SNX29: variants seen among roughly 807,000 people sequenced by gnomAD.
SNX29 encodes sorting nexin 29, also known as sorting nexin-29.
A neutral mutation model predicts 102.1 loss-of-function variants in SNX29; 78 were observed. That is an observed-to-expected ratio of 0.76 (90% confidence interval 0.64 to 0.92). The LOEUF (loss-of-function observed/expected upper bound fraction) is 0.92. Among genes scored for constraint, SNX29 ranks in the 40% least tolerant of loss-of-function variants. The probability of loss-of-function intolerance (pLI) is 0.00; values close to 1 mark genes in which losing one functional copy is unlikely to be tolerated. For missense variants in SNX29, 1,280 were observed against 1,061.7 expected (o/e 1.21, Z -2.86); for synonymous variants, 580 against 414.5 (o/e 1.40, Z -4.85).
chr16:12,555,678 G>A (rs1374375343), intron 20 of SNX29, among the ~76,000 whole-genome samples: 1 of 152,068 alleles, frequency 6.6e-6, no homozygotes, highest in Non-Finnish European at 1.5e-5. Flanking sequence ...CGAAGTCTGA[G>A]AATAAGCCTT....
intron 15 of SNX29, among the ~76,000 whole-genome samples, chr16:12,343,165 G>A (rs1480850470): frequency 2.0e-5 from 3 of 152,194 alleles, no homozygotes; most frequent in Admixed American, 1.3e-4. Context: ...AGCCTCCACT[G>A]ATTTCTCAAG....
intron 8 of SNX29, among the ~76,000 whole-genome samples, chr16:12,058,711 C>T (rs1188292158): frequency 6.7e-6 from 1 of 149,890 alleles, no homozygotes; most frequent in East Asian, 2.0e-4. Context: ...CCAGGCTGGT[C>T]TTGAACTCCT....
At chr16:12,538,776 A>C (rs1482840180) in intron 20 of SNX29, among the ~76,000 whole-genome samples, 1 of 152,192 alleles carries the variant, frequency 6.6e-6, no homozygotes, top group Non-Finnish European at 1.5e-5. Context: ...TGAGCATGTC[A>C]CATCGCCAAG....
chr16:12,537,912 G>C (rs905561330), intron 20 of SNX29, among the ~76,000 whole-genome samples: 4 of 151,560 alleles, frequency 2.6e-5, no homozygotes, highest in African/African-American at 4.9e-5. Context: ...TGGAACCCAG[G>C]AGGCAGAGGT....
At chr16:12,538,789 G>A (rs961763478) in intron 20 of SNX29, among the ~76,000 whole-genome samples, 4 of 152,150 alleles carry the variant, frequency 2.6e-5, no homozygotes, top group African/African-American at 4.8e-5. Flanking sequence ...TCGCCAAGGG[G>A]GATTACAAGG....
At chr16:12,425,378 G>A (rs900833945) in intron 18 of SNX29, among the ~76,000 whole-genome samples, 5 of 151,924 alleles carry the variant, frequency 3.3e-5, no homozygotes, top group African/African-American at 1.2e-4. Flanking sequence ...TGCCCCTGAG[G>A]CCTCTGGTCT....
At chr16:12,279,282 C>T (rs918275821) in intron 15 of SNX29, among the ~76,000 whole-genome samples, 43 of 152,226 alleles carry the variant, frequency 2.8e-4, no homozygotes, top group African/African-American at 1.0e-3. Flanking sequence ...GGGTGTTCCC[C>T]TAAGTTCATT....
At position 12,572,917 on chromosome 16, in the gene SNX29, GGAGT is replaced by G; in HGVS notation, c.*4290_*4293del. 8.1e-6 allele frequency: 8 copies of G among 983,924 alleles called. No homozygotes were observed. The highest frequency in any genetic ancestry group is 9.9e-6 in the Non-Finnish European group (8 of 805,936). 60.9% of individuals were successfully genotyped at this position (983,924 alleles called of 1,614,324 possible). On this transcript the variant is annotated 3_prime_UTR_variant, in exon 21 of 21. Transcript: ENST00000566228. ...TTTCGCTCGGAATCACGGCAGACTT[GGAGT>G]GTTTCTTCAAGGCAGGCATCTGCTT...
chr16:12,535,032 C>G (rs1436149736), intron 20 of SNX29, among the ~76,000 whole-genome samples: 2 of 152,068 alleles, frequency 1.3e-5, no homozygotes, highest in African/African-American at 4.8e-5. Context: ...CTCGTTGGGT[C>G]TTATAAAACC....
chr16:12,237,179 C>T (rs752223443), intron 14 of SNX29, among the ~76,000 whole-genome samples: 2 of 152,066 alleles, frequency 1.3e-5, no homozygotes, highest in South Asian at 2.1e-4. Context: ...CAGGAGGGTG[C>T]GAAGCTCTGT....
At chr16:12,543,966 A>C (rs2077466056) in intron 20 of SNX29, among the ~76,000 whole-genome samples, 1 of 152,108 alleles carries the variant, frequency 6.6e-6, no homozygotes, top group African/African-American at 2.4e-5. Context: ...CTGCTGGGAG[A>C]AATGGTCTCA....
intron 1 of SNX29, among the ~76,000 whole-genome samples, chr16:11,988,817 G>A (rs987766790): frequency 2.0e-5 from 3 of 152,018 alleles, no homozygotes; most frequent in African/African-American, 7.3e-5. Context: ...AAGTTTTATT[G>A]GAACAAAGCC....
At chr16:12,562,048 CTG>C (rs751231645) in intron 20 of SNX29, among the ~76,000 whole-genome samples, 7 of 150,928 alleles carry the variant, frequency 4.6e-5, no homozygotes, top group Admixed American at 6.6e-5. Context: ...ATGGAATCAT[CTG>C]TGCCGTTTTC....
At chr16:12,055,693 T>A (rs1332401698) in intron 8 of SNX29, among the ~76,000 whole-genome samples, 1 of 152,166 alleles carries the variant, frequency 6.6e-6, no homozygotes, top group African/African-American at 2.4e-5. Context: ...AGGTCTGTCT[T>A]TTTCCTATCG....
At chr16:12,017,932 A>T (rs1271902090) in intron 3 of SNX29, among the ~76,000 whole-genome samples, 1 of 151,926 alleles carries the variant, frequency 6.6e-6, no homozygotes, top group Non-Finnish European at 1.5e-5. Context: ...TTTGAGACGA[A>T]GTCTCTCTCG....
chr16:12,261,624 G>A, intron 14 of SNX29, among the ~76,000 whole-genome samples: 1 of 140,116 alleles, frequency 7.1e-6, no homozygotes. Flanking sequence ...GTCTGTGCAT[G>A]CGTCCCCGGC....
At chr16:11,978,519 AT>A (rs2055350756) in intron 1 of SNX29, among the ~76,000 whole-genome samples, 1 of 152,174 alleles carries the variant, frequency 6.6e-6, no homozygotes, top group South Asian at 2.1e-4. Flanking sequence ...CACGAGGTGC[AT>A]TGTCAGAATC....
rs116071376 is a variant in SNX29 at position 12,268,745 on chromosome 16, T to C, written c.1679-9188T>C. On this transcript the variant is annotated intron_variant, in intron 14 of 20. Transcript: ENST00000566228. The stretch of plus-strand genomic sequence containing the variant: ...TATTTTCGTCATCAGCATCTCACAC[T>C]GTTTGCATCTGGGTCATGCTCAGCT... Among the ~76,000 whole-genome samples, 786 of 152,324 alleles carry C rather than the reference T, an allele frequency of 5.2e-3. 6 individuals are homozygous for C. Among genetic ancestry groups the C allele is most frequent in the African/African-American group, 0.017 (718 of 41,572 alleles).
chr16:12,278,414 C>T lies in SNX29; in HGVS notation c.1782+378C>T, dbSNP rs144244344. Among the ~76,000 whole-genome samples, 869 of 151,868 alleles carry T rather than the reference C, an allele frequency of 5.7e-3. 9 individuals are homozygous for T. Among genetic ancestry groups the T allele is most frequent in the Middle Eastern group, 0.01 (3 of 294 alleles). On this transcript the variant is annotated intron_variant, in intron 15 of 20. Coordinates refer to ENST00000566228, the MANE Select transcript of SNX29 (RefSeq NM_032167.5). ...TATTTTTCAGAAAAACATTCATTAT[C>T]AGAATTAATTGAAGATGAGGCAAAC...
Sources: gnomAD v4.1 joint callset for allele counts (sites outside exome capture counted in the v4.1 genomes callset) on GRCh38, gnomAD v4.1.1 for gene constraint, MANE v1.5 for transcripts, NCBI Gene and HGNC (gene_info 2026-07-23, HGNC 2026-07-21) for gene names.